PDE1C: variants seen among roughly 807,000 people sequenced by gnomAD.
The protein encoded by PDE1C is dual specificity calcium/calmodulin-dependent 3',5'-cyclic nucleotide phosphodiesterase 1C.
Under a neutral mutation model 93.1 loss-of-function variants are expected in PDE1C, and 62 were observed. The observed-to-expected ratio is 0.67, with a 90% CI of 0.54 to 0.82. PDE1C has a LOEUF of 0.82. PDE1C is among the 40% of genes least tolerant of loss of function. The probability of loss-of-function intolerance (pLI) is 0.00; values close to 1 mark genes in which losing one functional copy is unlikely to be tolerated. For synonymous variants in PDE1C, 325 were observed against 310.1 expected, an observed-to-expected ratio of 1.05 and a Z score of -0.50; for missense variants, 742 against 884.6, an observed-to-expected ratio of 0.84 and a Z score of 2.04.
chr7:32,017,755 C>T (rs547132544), intron 2 of PDE1C, among the ~76,000 whole-genome samples: 3 of 152,170 alleles, frequency 2.0e-5, no homozygotes, highest in East Asian at 3.9e-4. Flanking sequence ...AGATGCTCAA[C>T]ATCATTACCC....
chr7:31,654,015 G>A, the PDE1C span, among the ~76,000 whole-genome samples: 2 of 142,998 alleles, frequency 1.4e-5, no homozygotes, highest in Non-Finnish European at 3.0e-5. Context: ...AAGACAGATG[G>A]ACTTTCTACT....
chr7:32,184,807 T>G (rs1341412751), intron 2 of PDE1C, among the ~76,000 whole-genome samples: 3 of 151,946 alleles, frequency 2.0e-5, no homozygotes, highest in Non-Finnish European at 4.4e-5. Context: ...AAAAATAAAA[T>G]AAAATAAAAT....
intron 2 of PDE1C, among the ~76,000 whole-genome samples, chr7:32,201,376 A>T (rs1804999688): frequency 6.6e-6 from 1 of 152,200 alleles, no homozygotes; most frequent in South Asian, 2.1e-4. Flanking sequence ...CTGGGGTTAC[A>T]TTACATACAA....
chr7:32,090,950 A>T (rs760176507), intron 3 of PDE1C, among the ~76,000 whole-genome samples: 14 of 152,230 alleles, frequency 9.2e-5, no homozygotes, highest in Non-Finnish European at 1.9e-4. Flanking sequence ...CAGATAACTA[A>T]CAGAGATATA....
At chr7:32,423,107 G>A (rs1304999886) in intron 1 of PDE1C, among the ~76,000 whole-genome samples, 3 of 152,176 alleles carry the variant, frequency 2.0e-5, no homozygotes, top group Non-Finnish European at 2.9e-5. Flanking sequence ...AGGTGTGATG[G>A]CTCACACTTG....
chr7:32,244,271 CTGGGACAAT>C (rs1210574267), intron 1 of PDE1C, among the ~76,000 whole-genome samples: 1 of 152,130 alleles, frequency 6.6e-6, no homozygotes, highest in Non-Finnish European at 1.5e-5. Context: ...GTTGTTGGCC[CTGGGACAAT>C]TGGTAGGTGC....
intron 1 of PDE1C, among the ~76,000 whole-genome samples, chr7:32,297,378 A>T (rs957379937): frequency 6.6e-6 from 1 of 152,038 alleles, no homozygotes; most frequent in Non-Finnish European, 1.5e-5. Context: ...TTAAGACCAC[A>T]GTACTTTTGG....
chr7:31,713,589 T>A, the PDE1C span, among the ~76,000 whole-genome samples: 73 of 152,342 alleles, frequency 4.8e-4, 2 homozygotes, highest in South Asian at 0.013. Context: ...CAACCCCACA[T>A]TTCCCTTGTG....
chr7:32,097,114 T>G (rs984058464), intron 3 of PDE1C, among the ~76,000 whole-genome samples: 7 of 152,192 alleles, frequency 4.6e-5, no homozygotes, highest in African/African-American at 1.7e-4. Flanking sequence ...TTACTCAGCC[T>G]TTTTGTTCTA....
intron 2 of PDE1C, among the ~76,000 whole-genome samples, chr7:32,024,365 G>T (rs1215556293): frequency 6.6e-6 from 1 of 151,300 alleles, no homozygotes; most frequent in East Asian, 1.9e-4. Context: ...AAAATTAAAG[G>T]TATATACAGA....
chr7:32,390,501 T>C (rs1449429292), intron 1 of PDE1C, among the ~76,000 whole-genome samples: 2 of 142,036 alleles, frequency 1.4e-5, no homozygotes, highest in African/African-American at 5.4e-5. Context: ...AATATGTCAG[T>C]AGTGCAAAGG....
At chr7:31,753,627 C>A in intron 17 of PDE1C, 74 bp from the exon 18 acceptor site, 2 of 1,516,014 alleles carry the variant, frequency 1.3e-6, no homozygotes, top group Middle Eastern at 2.1e-4. Flanking sequence ...ATATTGTGAG[C>A]AACTTCCTCT....
chr7:31,971,409 GTTAT>G (rs1296955266), intron 2 of PDE1C, among the ~76,000 whole-genome samples: 5 of 152,156 alleles, frequency 3.3e-5, no homozygotes, highest in Non-Finnish European at 5.9e-5. Context: ...TCTTGAGTGA[GTTAT>G]TTAGTCATGC....
At chr7:31,754,211 T>A (rs1392104706) in intron 17 of PDE1C, among the ~76,000 whole-genome samples, 3 of 152,194 alleles carry the variant, frequency 2.0e-5, no homozygotes, top group Non-Finnish European at 4.4e-5. Context: ...TCCACAATGC[T>A]AAAATCTAAA....
chr7:32,310,896 T>C (rs1027486114), intron 1 of PDE1C, among the ~76,000 whole-genome samples: 1 of 151,730 alleles, frequency 6.6e-6, no homozygotes, highest in African/African-American at 2.4e-5. Context: ...AAGAAATAAC[T>C]AAAATTAGAG....
At chr7:31,690,903 C>T in the PDE1C span, among the ~76,000 whole-genome samples, 3 of 152,064 alleles carry the variant, frequency 2.0e-5, no homozygotes, top group Admixed American at 6.5e-5. Context: ...GGGTAATTTT[C>T]AACATAATAT....
chr7:31,860,927 T>C (rs914303390), intron 7 of PDE1C, among the ~76,000 whole-genome samples: 9 of 152,162 alleles, frequency 5.9e-5, no homozygotes, highest in African/African-American at 1.7e-4. Flanking sequence ...TCTAAATAAA[T>C]AACTGTAGCC....
At chr7:32,117,940 C>T (rs1216510387) in intron 3 of PDE1C, among the ~76,000 whole-genome samples, 3 of 152,158 alleles carry the variant, frequency 2.0e-5, no homozygotes, top group Non-Finnish European at 4.4e-5. Flanking sequence ...GATCTGCATC[C>T]TTGAGGGCTG....
At chr7:32,297,582 G>A (rs1455392466) in intron 1 of PDE1C, among the ~76,000 whole-genome samples, 1 of 152,108 alleles carries the variant, frequency 6.6e-6, no homozygotes, top group Non-Finnish European at 1.5e-5. Flanking sequence ...GGGGCGGAAG[G>A]TAGAAGTATC....
Sources: gnomAD v4.1 joint callset for allele counts (sites outside exome capture counted in the v4.1 genomes callset) on GRCh38, gnomAD v4.1.1 for gene constraint, MANE v1.5 for transcripts, NCBI Gene and HGNC (gene_info 2026-07-23, HGNC 2026-07-21) for gene names.